Variants in LRCH1 observed in about 807,000 individuals in gnomAD.
LRCH1 encodes the protein leucine rich repeats and calponin homology domain containing 1, also known as leucine-rich repeat and calponin homology domain-containing protein 1.
Under a neutral mutation model 94.9 loss-of-function variants are expected in LRCH1, and 23 were observed. The ratio of observed to expected loss-of-function variants is 0.24; its 90% CI spans 0.17 to 0.34. The LOEUF is 0.34. Ranked by LOEUF, LRCH1 falls within the 10% of genes least tolerant of loss-of-function variation. The pLI is 1.00. For missense variants in LRCH1, 790 were observed against 945.9 expected (o/e 0.84, Z 2.16); for synonymous variants, 364 against 354.9 (o/e 1.03, Z -0.29).
chr13:46,684,515 G>A (rs1313957120), intron 4 of LRCH1, among the ~76,000 whole-genome samples: 1 of 152,132 alleles, frequency 6.6e-6, no homozygotes, highest in Non-Finnish European at 1.5e-5. Flanking sequence ...AAGATCCAGA[G>A]TCCAGTTAAA....
At chr13:46,688,793 A>G (rs969470305) in intron 6 of LRCH1, among the ~76,000 whole-genome samples, 2 of 152,190 alleles carry the variant, frequency 1.3e-5, no homozygotes, top group Non-Finnish European at 2.9e-5. Context: ...TGGTTTATTA[A>G]TTTTTTATAT....
At chr13:46,605,529 C>T (rs139440412) in intron 1 of LRCH1, among the ~76,000 whole-genome samples, 367 of 152,254 alleles carry the variant, frequency 2.4e-3, no homozygotes, top group African/African-American at 7.8e-3. Flanking sequence ...CCTCCTCCTC[C>T]TCCTCCTTCC....
At chr13:46,687,228 G>A (rs573067436) in intron 5 of LRCH1, among the ~76,000 whole-genome samples, 5 of 152,198 alleles carry the variant, frequency 3.3e-5, no homozygotes, top group Middle Eastern at 3.4e-3. Context: ...CAAAATACTG[G>A]TATTACAGGC....
chr13:46,618,746 C>A (rs1034066795), intron 1 of LRCH1, among the ~76,000 whole-genome samples: 2 of 152,150 alleles, frequency 1.3e-5, no homozygotes, highest in African/African-American at 4.8e-5. Context: ...CTCGGAGGAA[C>A]TTGTAGAGAT....
intron 1 of LRCH1, among the ~76,000 whole-genome samples, chr13:46,644,797 T>A (rs1463530407): frequency 3.3e-5 from 5 of 152,234 alleles, no homozygotes; most frequent in Non-Finnish European, 7.3e-5. Context: ...ACTTTATGAA[T>A]GTATAATGTG....
Position 46,553,567 on chromosome 13 carries a change from G to C in LRCH1, c.171G>C (p.Leu57=). ...GGGGGSGGFN[L]PLNRGLERAL... is the part of the protein sequence containing the mutation. ...GCGGTGGCAGCGGGGGCTTCAACCTGCCCTTGAACCGGGGTCTGGAGCGCG... is the reference window on the plus strand; with the variant it reads ...GCGGTGGCAGCGGGGGCTTCAACCTCCCCTTGAACCGGGGTCTGGAGCGCG... The change falls in exon 1 of 20, where the codon CTG becomes CTC. Residue 57 remains leucine, a synonymous_variant. Transcript: ENST00000389797. 6.5e-7 allele frequency: 1 copy of C among 1,549,658 alleles called. No individual in the cohort carries two copies. Among genetic ancestry groups the C allele is most frequent in the Non-Finnish European group, 8.7e-7 (1 of 1,146,594 alleles).
intron 1 of LRCH1, among the ~76,000 whole-genome samples, chr13:46,585,685 C>A (rs2050427583): frequency 6.6e-6 from 1 of 151,844 alleles, no homozygotes; most frequent in South Asian, 2.1e-4. Flanking sequence ...AAGTAATTTT[C>A]ATTCTTTAGA....
At chr13:46,727,416 T>G (rs1872876316) in intron 17 of LRCH1, among the ~76,000 whole-genome samples, 1 of 152,130 alleles carries the variant, frequency 6.6e-6, no homozygotes, top group South Asian at 2.1e-4. Context: ...GATCCAACAT[T>G]CGTGTCTTGG....
chr13:46,574,299 A>G lies in LRCH1; in HGVS notation c.307+20596A>G, dbSNP rs185466333. 4.1e-3 allele frequency among the ~76,000 whole-genome samples: 623 copies of G among 152,278 alleles called. 5 individuals are homozygous for G. The highest frequency in any genetic ancestry group is 0.034 in the South Asian group (162 of 4,818). On this transcript the variant is annotated intron_variant, in intron 1 of 19. Transcript: ENST00000389797. ...TTGCATGCCTGTATGAAAGTATCTCATGTACCCCATAAATATATATACCTA... is the reference window on the plus strand; with the variant it reads ...TTGCATGCCTGTATGAAAGTATCTCGTGTACCCCATAAATATATATACCTA...
intron 15 of LRCH1, 123 bp from the exon 16 acceptor site, chr13:46,715,437 T>C (rs2138205534): frequency 1.6e-6 from 1 of 637,018 alleles, no homozygotes; most frequent in Middle Eastern, 4.2e-4. Flanking sequence ...AAACCCCATA[T>C]AAATGAAATC....
chr13:46,705,354 G>C (rs746397413), intron 13 of LRCH1, 50 bp downstream of exon 13: 10 of 1,459,042 alleles, frequency 6.9e-6, no homozygotes, highest in East Asian at 6.8e-5. Context: ...TTTTGCCATG[G>C]AATACTGGCC....
At chr13:46,635,380 G>C in intron 1 of LRCH1, among the ~76,000 whole-genome samples, 1 of 151,768 alleles carries the variant, frequency 6.6e-6, no homozygotes, top group East Asian at 1.9e-4. Flanking sequence ...GTCTGCACTC[G>C]CTGGCTAGTC....
intron 18 of LRCH1, among the ~76,000 whole-genome samples, chr13:46,750,264 A>G (rs1014807271): frequency 1.3e-4 from 20 of 152,220 alleles, no homozygotes; most frequent in African/African-American, 4.3e-4. Context: ...TCAGTTATTT[A>G]GTGTAAAACT....
chr13:46,691,684 G>A (rs1252543041), intron 7 of LRCH1, among the ~76,000 whole-genome samples: 3 of 152,064 alleles, frequency 2.0e-5, no homozygotes, highest in Non-Finnish European at 4.4e-5. Context: ...CGGAGGAGGT[G>A]CCATGCACTT....
intron 1 of LRCH1, among the ~76,000 whole-genome samples, chr13:46,618,425 A>G (rs181364667): frequency 3.0e-4 from 45 of 152,234 alleles, no homozygotes; most frequent in African/African-American, 9.9e-4. Flanking sequence ...TGTGTGGGGC[A>G]TAACTGTATA....
chr13:46,694,876 C>A lies in LRCH1; in HGVS notation c.1121-17C>A. On this transcript the variant is annotated splice_polypyrimidine_tract_variant and intron_variant, in intron 8 of 19. Transcript: ENST00000389797. Reference sequence around the variant, plus strand: ...TCATGAAATCATGCTTTCCATCTCTCTATATTTTCCTAATAGGGGAATTTC... The same window carrying A: ...TCATGAAATCATGCTTTCCATCTCTATATATTTTCCTAATAGGGGAATTTC... 1 of 1,613,814 alleles carries A rather than the reference C, an allele frequency of 6.2e-7. No individual in the cohort carries two copies. The highest frequency in any genetic ancestry group is 8.5e-7 in the Non-Finnish European group (1 of 1,179,812).
intron 1 of LRCH1, among the ~76,000 whole-genome samples, chr13:46,582,082 G>A (rs925013152): frequency 1.3e-5 from 2 of 150,004 alleles, no homozygotes; most frequent in Admixed American, 6.7e-5. Context: ...CCTGGGAGGC[G>A]GAGTTTGCAG....
At chr13:46,661,935 C>T (rs558480875) in intron 2 of LRCH1, among the ~76,000 whole-genome samples, 1 of 152,150 alleles carries the variant, frequency 6.6e-6, no homozygotes, top group East Asian at 1.9e-4. Context: ...TATTTTTGGC[C>T]AGGCGCCGTG....
At chr13:46,658,623 G>T (rs915857927) in intron 2 of LRCH1, among the ~76,000 whole-genome samples, 12 of 152,046 alleles carry the variant, frequency 7.9e-5, no homozygotes, top group African/African-American at 2.9e-4. Flanking sequence ...GGGACTACAG[G>T]CATGCACCAC....
Sources: allele counts gnomAD v4.1 joint callset (sites outside exome capture counted in the v4.1 genomes callset), GRCh38; gene constraint gnomAD v4.1.1; transcripts MANE v1.5; gene names NCBI Gene and HGNC (gene_info 2026-07-23, HGNC 2026-07-21).